The following MAPK8 variants were observed in gnomAD, a reference collection of about 807,000 sequenced individuals.
MAPK8 encodes mitogen-activated protein kinase 8, also known as JUN N-terminal kinase.
MAPK8 carries 13 observed loss-of-function variants against 52.9 expected under a neutral mutation model. That is an observed-to-expected ratio of 0.25 (90% CI 0.16 to 0.39). The LOEUF (loss-of-function observed/expected upper bound fraction) is 0.39. MAPK8 is among the 10% of genes least tolerant of loss of function. The pLI is 1.00. For synonymous variants in MAPK8, 191 were observed against 169.8 expected, an observed-to-expected ratio of 1.12 and a Z score of -0.97; for missense variants, 300 against 519.2, an observed-to-expected ratio of 0.58 and a Z score of 4.10.
chr10:48,359,766 T>C (rs949207997), intron 1 of MAPK8, among the ~76,000 whole-genome samples: 1 of 152,216 alleles, frequency 6.6e-6, no homozygotes, highest in Non-Finnish European at 1.5e-5. Flanking sequence ...CAGTTCCAGG[T>C]TGAATAAATA....
chr10:48,314,201 T>C (rs1165293151), intron 1 of MAPK8, among the ~76,000 whole-genome samples: 5 of 152,132 alleles, frequency 3.3e-5, no homozygotes, highest in African/African-American at 1.2e-4. Context: ...AGGGTCCTTT[T>C]CCTGGCTTTA....
At position 48,435,915 on chromosome 10, in the gene MAPK8, TCTA is replaced by T. The variant is rs367764481; in HGVS notation, c.*889_*891del. 3.3e-5 allele frequency: 5 copies of T among 152,258 alleles called. No homozygotes were observed. Among genetic ancestry groups the T allele is most frequent in the African/African-American group, 1.2e-4 (5 of 41,462 alleles). The allele number at this position is 152,258 out of a possible 1,614,324, so 9.4% of individuals were successfully genotyped here. The stretch of plus-strand genomic sequence containing the variant: ...CCTGTTTTTGTATACACTGAGTTAA[TCTA>T]CTCAGGCTGTAGGTCCCAGCAATGT... On this transcript the variant is annotated 3_prime_UTR_variant, in exon 12 of 12. Transcript: ENST00000374189.
chr10:48,313,353 A>G (rs1404401199), intron 1 of MAPK8, among the ~76,000 whole-genome samples: 1 of 152,056 alleles, frequency 6.6e-6, no homozygotes, highest in Non-Finnish European at 1.5e-5. Flanking sequence ...GAATCTCTTG[A>G]ATCTAGGAGG....
intron 1 of MAPK8, among the ~76,000 whole-genome samples, chr10:48,352,095 C>T (rs141288692): frequency 2.8e-4 from 42 of 152,252 alleles, no homozygotes; most frequent in Middle Eastern, 6.8e-3. Flanking sequence ...GCAAGTCACT[C>T]AGTATGGCAT....
chr10:48,313,112 A>T (rs894893457), intron 1 of MAPK8, among the ~76,000 whole-genome samples: 3 of 152,202 alleles, frequency 2.0e-5, no homozygotes, highest in African/African-American at 7.2e-5. Context: ...TAGCCTCATG[A>T]TTAAACACAT....
chr10:48,335,224 G>A (rs577600329), intron 1 of MAPK8, among the ~76,000 whole-genome samples: 9 of 151,970 alleles, frequency 5.9e-5, no homozygotes, highest in African/African-American at 1.2e-4. Flanking sequence ...TTAAATTGTC[G>A]TTTTCCATCA....
At chr10:48,315,411 T>G (rs1455927015) in intron 1 of MAPK8, among the ~76,000 whole-genome samples, 1 of 152,180 alleles carries the variant, frequency 6.6e-6, no homozygotes, top group Non-Finnish European at 1.5e-5. Flanking sequence ...CCCCAGTGAT[T>G]GGCTTCTATT....
At chr10:48,323,766 A>G (rs1487087503) in intron 1 of MAPK8, among the ~76,000 whole-genome samples, 1 of 152,192 alleles carries the variant, frequency 6.6e-6, no homozygotes, top group Non-Finnish European at 1.5e-5. Flanking sequence ...TACTGGGTGT[A>G]TTTCAGAAGG....
At chr10:48,331,821 C>T (rs1844178695) in intron 1 of MAPK8, among the ~76,000 whole-genome samples, 1 of 152,108 alleles carries the variant, frequency 6.6e-6, no homozygotes, top group African/African-American at 2.4e-5. Context: ...CCTATAATAA[C>T]TCATAGGGGG....
intron 5 of MAPK8, among the ~76,000 whole-genome samples, chr10:48,415,524 C>CA (rs2043017624): frequency 6.6e-6 from 1 of 152,206 alleles, no homozygotes. Flanking sequence ...TTTGGCAGCA[C>CA]ACAAGGCTCA....
At chr10:48,313,078 T>C (rs1298231701) in intron 1 of MAPK8, among the ~76,000 whole-genome samples, 1 of 152,214 alleles carries the variant, frequency 6.6e-6, no homozygotes, top group Admixed American at 6.5e-5. Flanking sequence ...TACCGTGTTA[T>C]CCAAAATCCC....
chr10:48,336,072 C>T (rs1250565288), intron 1 of MAPK8, among the ~76,000 whole-genome samples: 1 of 151,948 alleles, frequency 6.6e-6, no homozygotes, highest in East Asian at 1.9e-4. Flanking sequence ...GCAGAAAACT[C>T]CATCTGTATC....
chr10:48,313,839 TCTGCCTCCGAGGTTCAGGTGATTCTC>T (rs540564830), intron 1 of MAPK8, among the ~76,000 whole-genome samples: 1 of 152,354 alleles, frequency 6.6e-6, no homozygotes, highest in South Asian at 2.1e-4. Context: ...CACTGCCACC[TCTGCCTCCGAGGTTCAGGTGATTCTC>T]CTGCCTCAGC....
In MAPK8 at chr10:48,426,396, T is replaced by C. The variant is rs920678619; in HGVS notation, c.888T>C (p.Asp296=). 53 of 1,609,466 alleles carry C rather than the reference T, an allele frequency of 3.3e-5. No homozygotes were observed. Among genetic ancestry groups the C allele is most frequent in the Non-Finnish European group, 4.5e-5 (53 of 1,178,332 alleles). The part of the protein sequence containing the change: ...HNKLKASQAR[D]LLSKMLVIDA... Reference sequence around the variant, plus strand: ...TGTTTGCAGCCAGTCAGGCAAGGGATTTGTTATCCAAAATGCTGGTAATAG... The same window carrying C: ...TGTTTGCAGCCAGTCAGGCAAGGGACTTGTTATCCAAAATGCTGGTAATAG... Residue 296 remains aspartate (D), a synonymous_variant, in exon 9 of 12, where the codon GAT becomes GAC. Coordinates refer to ENST00000374189, the MANE Select transcript of MAPK8 (RefSeq NM_001323329.2).
chr10:48,360,650 C>T (rs1847434451), intron 1 of MAPK8, among the ~76,000 whole-genome samples: 1 of 152,178 alleles, frequency 6.6e-6, no homozygotes, highest in Non-Finnish European at 1.5e-5. Flanking sequence ...CAGCCACACA[C>T]ACTCTCACAC....
chr10:48,408,960 T>G (rs1258404778), intron 3 of MAPK8, among the ~76,000 whole-genome samples: 1 of 152,174 alleles, frequency 6.6e-6, no homozygotes, highest in African/African-American at 2.4e-5. Flanking sequence ...CTTCCCTTGT[T>G]TTAGGCCACT....
At chr10:48,322,368 A>G (rs1176305637) in intron 1 of MAPK8, among the ~76,000 whole-genome samples, 2 of 152,110 alleles carry the variant, frequency 1.3e-5, no homozygotes, top group Admixed American at 1.3e-4. Context: ...GGATAACTTA[A>G]GACATTATAT....
chr10:48,317,380 G>T (rs76155660), intron 1 of MAPK8, among the ~76,000 whole-genome samples: 108 of 116,848 alleles, frequency 9.2e-4, no homozygotes, highest in African/African-American at 2.9e-3. Flanking sequence ...GCCTAGGCTG[G>T]TCTGAAACTC....
intron 1 of MAPK8, among the ~76,000 whole-genome samples, chr10:48,348,777 T>C (rs1290662579): frequency 6.6e-6 from 1 of 152,160 alleles, no homozygotes; most frequent in Non-Finnish European, 1.5e-5. Flanking sequence ...CCATGCTGTT[T>C]TGGTTACTGT....
Sources: allele counts gnomAD v4.1 joint callset (sites outside exome capture counted in the v4.1 genomes callset), GRCh38; gene constraint gnomAD v4.1.1; transcripts MANE v1.5; gene names NCBI Gene and HGNC (gene_info 2026-07-23, HGNC 2026-07-21).